The following SAXO5 variants were observed in gnomAD, a reference collection of about 807,000 sequenced individuals.
SAXO5 encodes the protein stabilizer of axonemal microtubules 5.
chr19:7,502,060 G>A, the SAXO5 span, among the ~76,000 whole-genome samples: 2 of 150,788 alleles, frequency 1.3e-5, no homozygotes, highest in Admixed American at 1.3e-4. Context: ...GCAACATAGC[G>A]AGACCCATCT....
chr19:7,507,914 C>T, the SAXO5 span, among the ~76,000 whole-genome samples: 1 of 152,194 alleles, frequency 6.6e-6, no homozygotes, highest in African/African-American at 2.4e-5. Context: ...CTAAATCCCA[C>T]CCCAAATTGA....
At chr19:7,502,637 T>C in the SAXO5 span, among the ~76,000 whole-genome samples, 1 of 152,050 alleles carries the variant, frequency 6.6e-6, no homozygotes, top group African/African-American at 2.4e-5. Context: ...TGAATGCCAG[T>C]TTGGGGTCAG....
chr19:7,501,536 G>T, the SAXO5 span: 1 of 1,061,724 alleles, frequency 9.4e-7, no homozygotes, highest in African/African-American at 1.7e-5. Flanking sequence ...AGGACTTGGG[G>T]GGTGGCCGGG....
At chr19:7,502,659 A>AATT in the SAXO5 span, among the ~76,000 whole-genome samples, 1 of 152,042 alleles carries the variant, frequency 6.6e-6, no homozygotes, top group African/African-American at 2.4e-5. Flanking sequence ...CAAATCAGCT[A>AATT]AGTTCCCCAG....
the SAXO5 span, chr19:7,501,206 G>A: frequency 6.5e-7 from 1 of 1,541,104 alleles, no homozygotes; most frequent in Non-Finnish European, 8.7e-7. Context: ...TCTCCAACGC[G>A]CACGCCGCCT....
the SAXO5 span, among the ~76,000 whole-genome samples, chr19:7,503,045 A>G: frequency 1.3e-5 from 2 of 152,122 alleles, no homozygotes; most frequent in East Asian, 1.9e-4. Flanking sequence ...GGAGGCTGTA[A>G]CAAGAGAAAT....
the SAXO5 span, chr19:7,506,834 C>G: frequency 1.9e-6 from 1 of 527,056 alleles, no homozygotes. Flanking sequence ...GCGCCTACCT[C>G]TTTCCCAGCT....
At chr19:7,503,634 G>A in the SAXO5 span, among the ~76,000 whole-genome samples, 2 of 151,980 alleles carry the variant, frequency 1.3e-5, no homozygotes, top group African/African-American at 4.8e-5. Context: ...ACAGGCACAT[G>A]CCAACACACC....
chr19:7,498,136 A>C, the SAXO5 span, among the ~76,000 whole-genome samples: 1 of 149,248 alleles, frequency 6.7e-6, no homozygotes, highest in African/African-American at 2.5e-5. Context: ...ACACACTGAA[A>C]AACTGTGGTT....
chr19:7,500,760 GC>G, the SAXO5 span: 1 of 1,365,736 alleles, frequency 7.3e-7, no homozygotes. Context: ...AAAGGCAAGT[GC>G]CCCAATGGGC....
At chr19:7,498,426 C>T in the SAXO5 span, among the ~76,000 whole-genome samples, 3 of 110,004 alleles carry the variant, frequency 2.7e-5, no homozygotes, top group Admixed American at 1.2e-4. Context: ...GACAGAGTTT[C>T]GCTCTTGTTG....
the SAXO5 span, chr19:7,505,420 C>G: frequency 1.2e-6 from 2 of 1,614,214 alleles, no homozygotes. Flanking sequence ...CCGAGCACTT[C>G]TATGCCAGGG....
the SAXO5 span, chr19:7,505,778 C>G: frequency 2.1e-5 from 20 of 931,316 alleles, no homozygotes; most frequent in Non-Finnish European, 2.9e-5. Flanking sequence ...CACTTAACCA[C>G]TCCGATCCTC....
At chr19:7,498,178 C>CACACACAT in the SAXO5 span, among the ~76,000 whole-genome samples, 1 of 120,946 alleles carries the variant, frequency 8.3e-6, no homozygotes, top group African/African-American at 3.2e-5. Flanking sequence ...CATACACACA[C>CACACACAT]ACACACACAC....
the SAXO5 span, chr19:7,506,233 GCCC>G: frequency 1.9e-6 from 2 of 1,067,384 alleles, no homozygotes; most frequent in South Asian, 4.5e-5. Flanking sequence ...CGAAAGCCCC[GCCC>G]CCATGGAGCC....
chr19:7,501,965 C>T, the SAXO5 span, among the ~76,000 whole-genome samples: 2 of 151,842 alleles, frequency 1.3e-5, no homozygotes, highest in Non-Finnish European at 1.5e-5. Flanking sequence ...CGAGGCCACC[C>T]GCGGTGGCTC....
chr19:7,505,825 C>G, the SAXO5 span: 16 of 976,114 alleles, frequency 1.6e-5, no homozygotes, highest in Non-Finnish European at 2.1e-5. Context: ...ATAAGAGTAC[C>G]AACTCCCAGT....
At chr19:7,505,737 C>T in the SAXO5 span, 1 of 1,111,028 alleles carries the variant, frequency 9.0e-7, no homozygotes, top group Non-Finnish European at 1.3e-6. Context: ...GCAGGAATCT[C>T]CTGGATGTAC....
the SAXO5 span, chr19:7,506,254 ATGGAGC>A: frequency 2.3e-6 from 2 of 870,404 alleles, no homozygotes; most frequent in Non-Finnish European, 1.5e-6. Flanking sequence ...GCCCCTCCCC[ATGGAGC>A]CCCGCCCCCA....
Sources: allele counts gnomAD v4.1 joint callset (sites outside exome capture counted in the v4.1 genomes callset), GRCh38; gene constraint gnomAD v4.1.1; transcripts MANE v1.5; gene names NCBI Gene and HGNC (gene_info 2026-07-23, HGNC 2026-07-21).